Variants in COLEC10 observed in about 807,000 individuals in gnomAD.
COLEC10 encodes the protein collectin-10.
A neutral mutation model predicts 28.4 loss-of-function variants in COLEC10; 22 were observed. That is an observed-to-expected ratio of 0.78 (90% CI 0.55 to 1.11). The LOEUF is 1.11. Ranked by LOEUF, COLEC10 falls within the 50% of genes least tolerant of loss-of-function variation. COLEC10 has a pLI of 0.00. For missense variants in COLEC10, 361 were observed against 344.1 expected, an observed-to-expected ratio of 1.05 and a Z score of -0.39; for synonymous variants, 125 against 116.1, an observed-to-expected ratio of 1.08 and a Z score of -0.49.
chr8:119,082,336 A>G (rs13282510), intron 1 of COLEC10, among the ~76,000 whole-genome samples: 3,620 of 152,352 alleles, frequency 0.024, 57 homozygotes, highest in South Asian at 0.077. Context: ...AGACATTTCA[A>G]TCAATTACAA....
intron 2 of COLEC10, among the ~76,000 whole-genome samples, chr8:119,035,434 A>G (rs1432129462): frequency 6.6e-6 from 1 of 152,240 alleles, no homozygotes; most frequent in Non-Finnish European, 1.5e-5. Context: ...TTAGATATCA[A>G]TCCTATCTGG....
chr8:119,078,680 A>G (rs774980184), intron 1 of COLEC10, among the ~76,000 whole-genome samples: 1 of 152,124 alleles, frequency 6.6e-6, no homozygotes, highest in Non-Finnish European at 1.5e-5. Flanking sequence ...TACAGTTTTT[A>G]TATTTTGTCT....
chr8:119,012,361 C>A (rs1403048100), intron 2 of COLEC10, among the ~76,000 whole-genome samples: 2 of 150,556 alleles, frequency 1.3e-5, no homozygotes, highest in African/African-American at 5.0e-5. Flanking sequence ...ATTGTTGGAT[C>A]CAGCTTGTTA....
At chr8:119,046,612 A>C (rs555344839) in intron 2 of COLEC10, among the ~76,000 whole-genome samples, 1 of 152,202 alleles carries the variant, frequency 6.6e-6, no homozygotes. Flanking sequence ...GTGCCTCTTA[A>C]AGAAACTATA....
intron 1 of COLEC10, among the ~76,000 whole-genome samples, chr8:119,076,981 A>G (rs1198930916): frequency 6.6e-6 from 1 of 152,190 alleles, no homozygotes; most frequent in Non-Finnish European, 1.5e-5. Context: ...CATAAAGGAA[A>G]GTCTCTGGAA....
chr8:118,994,875 C>T (rs906242872), upstream of COLEC10, among the ~76,000 whole-genome samples: 1 of 152,102 alleles, frequency 6.6e-6, no homozygotes, highest in African/African-American at 2.4e-5. Context: ...AGTTGTTTTC[C>T]AAATTTAATA....
intron 1 of COLEC10, among the ~76,000 whole-genome samples, chr8:119,002,489 T>G (rs1813719881): frequency 6.6e-6 from 1 of 152,142 alleles, no homozygotes; most frequent in Non-Finnish European, 1.5e-5. Flanking sequence ...TAAATAATAT[T>G]TGCCCTCAAA....
intron 2 of COLEC10, among the ~76,000 whole-genome samples, chr8:119,050,170 A>G (rs1814652552): frequency 6.6e-6 from 1 of 152,150 alleles, no homozygotes; most frequent in African/African-American, 2.4e-5. Flanking sequence ...AGTTTCACCT[A>G]CTTTATTTTG....
At chr8:119,045,407 C>A (rs1563726482) in intron 2 of COLEC10, among the ~76,000 whole-genome samples, 1 of 152,180 alleles carries the variant, frequency 6.6e-6, no homozygotes. Flanking sequence ...CTGGTTCAGC[C>A]CACAGCACAG....
the COLEC10 span, among the ~76,000 whole-genome samples, chr8:118,967,603 A>G: frequency 6.6e-6 from 1 of 152,170 alleles, no homozygotes; most frequent in South Asian, 2.1e-4. Flanking sequence ...TGACTGGCAT[A>G]AATTAATTGC....
At chr8:119,033,046 A>C (rs1563722910) in intron 2 of COLEC10, among the ~76,000 whole-genome samples, 1 of 152,134 alleles carries the variant, frequency 6.6e-6, no homozygotes, top group Non-Finnish European at 1.5e-5. Flanking sequence ...GGCTGTGCAA[A>C]TATGATAGAG....
At chr8:118,954,188 G>T in the COLEC10 span, among the ~76,000 whole-genome samples, 1 of 152,210 alleles carries the variant, frequency 6.6e-6, no homozygotes, top group Admixed American at 6.5e-5. Context: ...CAGGGGATTG[G>T]TAATTAGCTG....
At chr8:119,049,401 C>CTTTTTTTTTTTTTTTTTTTTTTTTTTT (rs34885340) in intron 2 of COLEC10, among the ~76,000 whole-genome samples, 1 of 60,080 alleles carries the variant, frequency 1.7e-5, no homozygotes, top group Non-Finnish European at 2.9e-5. Flanking sequence ...ATTTTCTTTT[C>CTTTTTTTTTTTTTTTTTTTTTTTTTTT]TTTTTTTTTT....
chr8:119,098,485 T>C (rs1815763636), intron 3 of COLEC10, among the ~76,000 whole-genome samples: 1 of 152,082 alleles, frequency 6.6e-6, no homozygotes. Context: ...GATTAGCTTA[T>C]CTGTTTCCCC....
intron 2 of COLEC10, among the ~76,000 whole-genome samples, chr8:119,057,402 C>G (rs931517907): frequency 2.0e-5 from 3 of 152,038 alleles, no homozygotes; most frequent in Admixed American, 6.6e-5. Context: ...AGTGTGAAAA[C>G]AGACTAATAC....
chr8:119,036,331 A>T (rs773438903), intron 2 of COLEC10, among the ~76,000 whole-genome samples: 3 of 152,212 alleles, frequency 2.0e-5, no homozygotes, highest in Non-Finnish European at 4.4e-5. Context: ...AGACTTTTCA[A>T]TGATCATGCA....
chr8:118,988,212 G>C, the COLEC10 span, among the ~76,000 whole-genome samples: 1 of 152,136 alleles, frequency 6.6e-6, no homozygotes, highest in Non-Finnish European at 1.5e-5. Flanking sequence ...CTAAAAGTTT[G>C]TGGGTTTTGC....
At chr8:118,960,648 G>A in the COLEC10 span, among the ~76,000 whole-genome samples, 72 of 152,148 alleles carry the variant, frequency 4.7e-4, no homozygotes, top group South Asian at 0.015. Context: ...AGCCTGGTGT[G>A]GTGGCATGCG....
At chr8:119,030,730 A>C (rs1436624542) in intron 2 of COLEC10, among the ~76,000 whole-genome samples, 1 of 152,314 alleles carries the variant, frequency 6.6e-6, no homozygotes, top group African/African-American at 2.4e-5. Context: ...TGTTTTGAAA[A>C]TTTTTAAGAA....
Sources: allele counts gnomAD v4.1 joint callset (sites outside exome capture counted in the v4.1 genomes callset), GRCh38; gene constraint gnomAD v4.1.1; transcripts MANE v1.5; gene names NCBI Gene and HGNC (gene_info 2026-07-23, HGNC 2026-07-21).